MTUS2: variants seen among roughly 807,000 people sequenced by gnomAD.
MTUS2 encodes microtubule-associated tumor suppressor candidate 2.
A neutral mutation model predicts 114.1 loss-of-function variants in MTUS2; 40 were observed. The observed-to-expected ratio is 0.35, with a 90% CI of 0.27 to 0.46. The LOEUF (loss-of-function observed/expected upper bound fraction) is 0.46. Among genes scored for constraint, MTUS2 ranks in the 20% least tolerant of loss-of-function variants. The pLI, the probability that MTUS2 is intolerant of heterozygous loss-of-function variation, is 1.00. For missense variants in MTUS2, 1,679 were observed against 1,705.4 expected (o/e 0.98, Z 0.27); for synonymous variants, 688 against 672.0 (o/e 1.02, Z -0.37).
intron 2 of MTUS2, among the ~76,000 whole-genome samples, chr13:29,019,128 A>G (rs1886187644): frequency 6.6e-6 from 1 of 152,156 alleles, no homozygotes; most frequent in Non-Finnish European, 1.5e-5. Flanking sequence ...CATGAGAGGC[A>G]ACGTTACAAT....
At chr13:28,940,735 T>G (rs1368083653) in intron 2 of MTUS2, among the ~76,000 whole-genome samples, 1 of 152,088 alleles carries the variant, frequency 6.6e-6, no homozygotes, top group Non-Finnish European at 1.5e-5. Flanking sequence ...GAAAATAGAT[T>G]AATGTCCAGC....
At chr13:29,438,535 G>A (rs1433613216) in intron 8 of MTUS2, among the ~76,000 whole-genome samples, 2 of 152,142 alleles carry the variant, frequency 1.3e-5, no homozygotes, top group Non-Finnish European at 2.9e-5. Flanking sequence ...AAGGGGCAAG[G>A]CAGCTCCCTG....
intron 5 of MTUS2, among the ~76,000 whole-genome samples, chr13:29,127,735 G>A (rs937440901): frequency 4.6e-5 from 7 of 152,216 alleles, no homozygotes; most frequent in African/African-American, 7.2e-5. Context: ...ACCGGGCCCC[G>A]CTTGCCCTGA....
At chr13:29,400,132 CA>C (rs1215371719) in intron 8 of MTUS2, among the ~76,000 whole-genome samples, 2 of 152,110 alleles carry the variant, frequency 1.3e-5, no homozygotes, top group Non-Finnish European at 2.9e-5. Flanking sequence ...AACCAGCTTT[CA>C]AAAATCAAGA....
intron 2 of MTUS2, among the ~76,000 whole-genome samples, chr13:28,932,523 C>T (rs768003976): frequency 6.6e-6 from 1 of 152,100 alleles, no homozygotes; most frequent in African/African-American, 2.4e-5. Context: ...TACTTGTGTG[C>T]CTGGGCTTGT....
chr13:29,136,069 G>C (rs1277608848), intron 5 of MTUS2, among the ~76,000 whole-genome samples: 1 of 152,106 alleles, frequency 6.6e-6, no homozygotes, highest in Non-Finnish European at 1.5e-5. Context: ...AGTAATACTA[G>C]CTTTTATAAT....
chr13:28,942,493 G>T (rs1427834898), intron 2 of MTUS2, among the ~76,000 whole-genome samples: 1 of 152,166 alleles, frequency 6.6e-6, no homozygotes, highest in Non-Finnish European at 1.5e-5. Flanking sequence ...GCACATATTA[G>T]CATCAAAAGA....
intron 5 of MTUS2, among the ~76,000 whole-genome samples, chr13:29,277,959 G>T (rs1461864214): frequency 6.6e-6 from 1 of 152,174 alleles, no homozygotes; most frequent in East Asian, 1.9e-4. Context: ...TTAAACTTTT[G>T]CTATGTTAAG....
chr13:29,289,333 C>A (rs1402685708), intron 6 of MTUS2, among the ~76,000 whole-genome samples: 1 of 151,876 alleles, frequency 6.6e-6, no homozygotes, highest in Non-Finnish European at 1.5e-5. Flanking sequence ...GGACTTGGGA[C>A]AAATCAACAT....
intron 5 of MTUS2, among the ~76,000 whole-genome samples, chr13:29,142,407 T>C (rs1254395235): frequency 2.0e-5 from 3 of 151,996 alleles, no homozygotes; most frequent in Non-Finnish European, 4.4e-5. Context: ...GCAAGCAAAT[T>C]AAAGAAGTTC....
At chr13:28,940,645 TTAAA>T (rs1566238892) in intron 2 of MTUS2, among the ~76,000 whole-genome samples, 1 of 112,882 alleles carries the variant, frequency 8.9e-6, no homozygotes, top group Admixed American at 8.1e-5. Flanking sequence ...TATTCGAATA[TTAAA>T]AAAAACAGAA....
At chr13:29,329,266 T>TGCTATCCC (rs1258998935) in intron 7 of MTUS2, among the ~76,000 whole-genome samples, 2 of 152,110 alleles carry the variant, frequency 1.3e-5, no homozygotes, top group Non-Finnish European at 2.9e-5. Flanking sequence ...TTTCTCCTAA[T>TGCTATCCC]GCTATCCCTC....
At chr13:28,836,019 A>T (rs1409329724) in intron 1 of MTUS2, among the ~76,000 whole-genome samples, 3 of 133,476 alleles carry the variant, frequency 2.2e-5, no homozygotes, top group Non-Finnish European at 3.5e-5. Flanking sequence ...GTTTATTAAT[A>T]AGGAGGAGTT....
At chr13:29,175,372 A>G (rs1465616509) in intron 5 of MTUS2, among the ~76,000 whole-genome samples, 1 of 152,204 alleles carries the variant, frequency 6.6e-6, no homozygotes, top group Non-Finnish European at 1.5e-5. Context: ...CTGTCCCTTC[A>G]TAATCACAGT....
chr13:29,493,247 G>A (rs1030260275), intron 12 of MTUS2, among the ~76,000 whole-genome samples: 1 of 152,178 alleles, frequency 6.6e-6, no homozygotes, highest in African/African-American at 2.4e-5. Context: ...GGAGCTGCCT[G>A]GTGTCCTGCA....
chr13:29,008,973 G>C (rs922350732), intron 2 of MTUS2, among the ~76,000 whole-genome samples: 1 of 150,986 alleles, frequency 6.6e-6, no homozygotes, highest in African/African-American at 2.4e-5. Context: ...AGAATTTAGA[G>C]CTCCTAGGTT....
At chr13:29,121,020 A>G (rs917255850) in intron 5 of MTUS2, among the ~76,000 whole-genome samples, 1 of 152,236 alleles carries the variant, frequency 6.6e-6, no homozygotes, top group Admixed American at 6.5e-5. Flanking sequence ...GTGTAAGAGC[A>G]TTTGAAATTT....
chr13:29,395,011 A>G (rs1443138479), intron 8 of MTUS2, among the ~76,000 whole-genome samples: 1 of 152,160 alleles, frequency 6.6e-6, no homozygotes, highest in Non-Finnish European at 1.5e-5. Context: ...TACAGAATAT[A>G]GGTTGTTCCC....
At position 29,161,092 on chromosome 13, in the gene MTUS2, C is replaced by T. The variant is rs527584933; in HGVS notation, c.2644+60122C>T. On this transcript the variant is annotated intron_variant, in intron 5 of 15. Transcript: ENST00000612955. ...TTGTGGTAAGGGAATTGTTTTGTAA[C>T]TTGATTGTGGTGGCAGATGCCTGAA... is the stretch of plus-strand genomic sequence containing the variant. Among the ~76,000 whole-genome samples the T allele has an allele frequency of 6.6e-5, 10 of 152,330 alleles. No homozygotes were observed. In the South Asian group the frequency reaches 1.9e-3, roughly 28 times the overall value.
Sources: allele counts gnomAD v4.1 joint callset (sites outside exome capture counted in the v4.1 genomes callset), GRCh38; gene constraint gnomAD v4.1.1; transcripts MANE v1.5; gene names NCBI Gene and HGNC (gene_info 2026-07-23, HGNC 2026-07-21).